The following FGD5 variants were observed in gnomAD, a reference collection of about 807,000 sequenced individuals.
FGD5 encodes the protein FYVE, RhoGEF and PH domain containing 5.
A neutral mutation model predicts 133.4 loss-of-function variants in FGD5; 28 were observed. The ratio of observed to expected loss-of-function variants is 0.21; its 90% confidence interval spans 0.16 to 0.29. FGD5 has a LOEUF of 0.29. Ranked by LOEUF, FGD5 falls within the 10% of genes least tolerant of loss-of-function variation. The probability of loss-of-function intolerance (pLI) is 1.00; values close to 1 mark genes in which losing one functional copy is unlikely to be tolerated. For missense variants in FGD5, 1,858 were observed against 1,895.2 expected (o/e 0.98, Z 0.36); for synonymous variants, 810 against 776.5 (o/e 1.04, Z -0.72).
chr3:14,926,089 G>T lies in FGD5; in HGVS notation c.4088G>T (p.Gly1363Val). The change falls in exon 18 of 20, where the codon GGC becomes GTC. Residue 1363 changes from glycine (G) to valine (V), a missense_variant. This residue lies in a region of FGD5 where 1,824 missense variants were observed against 1,848.9 expected (regional missense o/e 0.99). Transcript: ENST00000285046. ...ALTEVAASGE[G>V]SAISGYLSRC... Reference sequence around the variant, plus strand: ...TGCCAGGTGGCTGCCTCTGGAGAGGGCTCTGCCATCAGTGGCTATCTCAGC... The same window carrying T: ...TGCCAGGTGGCTGCCTCTGGAGAGGTCTCTGCCATCAGTGGCTATCTCAGC... The T allele has an allele frequency of 6.2e-7, 1 of 1,613,788 alleles. No homozygotes were observed.
At chr3:14,899,600 A>T (rs1373976026) in intron 7 of FGD5, among the ~76,000 whole-genome samples, 2 of 152,234 alleles carry the variant, frequency 1.3e-5, no homozygotes, top group Admixed American at 6.5e-5. Flanking sequence ...CATCTAATCC[A>T]AGAACTATTT....
At chr3:14,885,735 T>C (rs930154949) in intron 4 of FGD5, among the ~76,000 whole-genome samples, 3 of 152,210 alleles carry the variant, frequency 2.0e-5, no homozygotes, top group Non-Finnish European at 2.9e-5. Flanking sequence ...GGCATTTTTA[T>C]GATCTGGCCT....
At chr3:14,894,989 C>T (rs1435230767) in intron 4 of FGD5, among the ~76,000 whole-genome samples, 1 of 152,042 alleles carries the variant, frequency 6.6e-6, no homozygotes, top group Non-Finnish European at 1.5e-5. Flanking sequence ...TACCTATTGA[C>T]CATTTGTATG....
At chr3:14,908,255 T>G (rs1284050260) in intron 10 of FGD5, among the ~76,000 whole-genome samples, 2 of 152,200 alleles carry the variant, frequency 1.3e-5, no homozygotes, top group African/African-American at 2.4e-5. Flanking sequence ...AGGTGTCTCA[T>G]GGGACTGAGA....
intron 1 of FGD5, among the ~76,000 whole-genome samples, chr3:14,812,660 A>T (rs2036311266): frequency 6.6e-6 from 1 of 152,210 alleles, no homozygotes; most frequent in African/African-American, 2.4e-5. Flanking sequence ...TTTCCTGATC[A>T]CATGGCATGG....
At chr3:14,858,646 C>A (rs1479063844) in intron 1 of FGD5, among the ~76,000 whole-genome samples, 1 of 152,110 alleles carries the variant, frequency 6.6e-6, no homozygotes, top group African/African-American at 2.4e-5. Context: ...ACCAGGCAGG[C>A]ACCAGATAGC....
chr3:14,917,388 G>A lies in FGD5; in HGVS notation c.3489+56G>A. 2.0e-6 allele frequency: 3 copies of A among 1,511,696 alleles called. No individual in the cohort carries two copies. The highest frequency in any genetic ancestry group is 2.7e-6 in the Non-Finnish European group (3 of 1,103,854). The allele number at this position is 1,511,696 out of a possible 1,614,324, so 93.6% of individuals were successfully genotyped here. A position where few individuals can be genotyped will look rare whatever the true frequency, so the allele number is the denominator to read the frequency against. Reference sequence around the variant, plus strand: ...TGGGGGACAGGGAGACCCCAGGGGAGAAGGGGACAGCATCCTGCTCCCAGG... The same window carrying A: ...TGGGGGACAGGGAGACCCCAGGGGAAAAGGGGACAGCATCCTGCTCCCAGG... On this transcript the variant is annotated intron_variant, in intron 12 of 19. Transcript: ENST00000285046. The surrounding 1 kb of genome is among the most constrained non-coding windows in gnomAD (Gnocchi z 4.1).
intron 11 of FGD5, among the ~76,000 whole-genome samples, chr3:14,916,907 A>G (rs2038567162): frequency 6.6e-6 from 1 of 152,202 alleles, no homozygotes; most frequent in Non-Finnish European, 1.5e-5. Context: ...GGCTGCTATA[A>G]GGTATTCTGT....
chr3:14,891,530 G>T (rs1020720299), intron 4 of FGD5, among the ~76,000 whole-genome samples: 3 of 152,208 alleles, frequency 2.0e-5, no homozygotes, highest in Non-Finnish European at 2.9e-5. Flanking sequence ...TGACCTTCAC[G>T]TTGGGGCTAG....
At chr3:14,905,710 C>G (rs1453779762) in intron 9 of FGD5, among the ~76,000 whole-genome samples, 5 of 152,024 alleles carry the variant, frequency 3.3e-5, no homozygotes, top group African/African-American at 1.2e-4. Flanking sequence ...TTTTACCCAC[C>G]AATCAGAGCT....
intron 2 of FGD5, among the ~76,000 whole-genome samples, chr3:14,868,745 C>T (rs931709846): frequency 6.6e-6 from 1 of 152,214 alleles, no homozygotes; most frequent in African/African-American, 2.4e-5. Context: ...TCTGTATCTT[C>T]ACTCAGTTAC....
rs2038698070 is a variant in FGD5 at position 14,922,245 on chromosome 3, C to T, written c.3670-166C>T. On this transcript the variant is annotated intron_variant, in intron 14 of 19. Transcript: ENST00000285046. The surrounding 1 kb of genome is among the most constrained non-coding windows in gnomAD (Gnocchi z 4.1). ...TCTCACAGTCTGGCTGTTTCCCAAC[C>T]AAGGGTGAGCATCCTGGAGGGTGCA... is the stretch of plus-strand genomic sequence containing the variant. The T allele has an allele frequency of 1.1e-5, 13 of 1,135,056 alleles. No homozygotes were observed. The highest frequency in any genetic ancestry group is 3.1e-5 in the African/African-American group (2 of 64,796). 70.3% of individuals were successfully genotyped at this position (1,135,056 alleles called of 1,614,324 possible).
rs2038480617 is a variant in FGD5 at position 14,913,004 on chromosome 3, C to G, written c.3405+2075C>G. Among the ~76,000 whole-genome samples, 3 of 152,052 alleles carry G rather than the reference C, an allele frequency of 2.0e-5. No individual in the cohort carries two copies. In the South Asian group the frequency reaches 6.2e-4, roughly 32 times the overall value. On this transcript the variant is annotated intron_variant, in intron 11 of 19. Coordinates refer to ENST00000285046, the MANE Select transcript of FGD5 (RefSeq NM_152536.4). ...TGAGCTCAGATTGCGCCATTACACT[C>G]CAGCCTGGGCGACAGAGTGAGATTC...
chr3:14,815,994 T>A (rs1209962664), upstream of FGD5, among the ~76,000 whole-genome samples: 1 of 152,212 alleles, frequency 6.6e-6, no homozygotes, highest in Non-Finnish European at 1.5e-5. Flanking sequence ...GCTGAAGCAC[T>A]CTGCGCCTGG....
chr3:14,826,544 T>C (rs1411727893), intron 1 of FGD5, among the ~76,000 whole-genome samples: 3 of 152,218 alleles, frequency 2.0e-5, no homozygotes, highest in Non-Finnish European at 2.9e-5. Flanking sequence ...AGTGTCCTTA[T>C]CTGTAAAAGG....
At chr3:14,814,606 C>G (rs2036342183), upstream of FGD5, among the ~76,000 whole-genome samples, 1 of 152,144 alleles carries the variant, frequency 6.6e-6, no homozygotes, top group Non-Finnish European at 1.5e-5. Flanking sequence ...CTTCTCTGTC[C>G]ACACTCATGC....
chr3:14,867,858 C>T (rs1437024592), intron 2 of FGD5, among the ~76,000 whole-genome samples: 1 of 152,202 alleles, frequency 6.6e-6, no homozygotes, highest in African/African-American at 2.4e-5. Context: ...TCCACCACCT[C>T]AGAAGAGCAG....
chr3:14,864,904 C>T (rs79781786), intron 2 of FGD5, among the ~76,000 whole-genome samples: 14,172 of 152,216 alleles, frequency 0.093, 823 homozygotes, highest in East Asian at 0.3. Flanking sequence ...GACAAAGTCC[C>T]AGCCTTTCCA....
chr3:14,886,390 C>T (rs2125122762), intron 4 of FGD5, among the ~76,000 whole-genome samples: 1 of 152,332 alleles, frequency 6.6e-6, no homozygotes, highest in Non-Finnish European at 1.5e-5. Context: ...GAAGGGGCAG[C>T]ACGCACCCCG....
Sources: gnomAD v4.1 joint callset for allele counts (sites outside exome capture counted in the v4.1 genomes callset) on GRCh38, gnomAD v4.1.1 for gene constraint, gnomAD v4.1.1 regional missense constraint, Gnocchi (gnomAD v3.1) non-coding constraint, MANE v1.5 for transcripts, NCBI Gene and HGNC (gene_info 2026-07-23, HGNC 2026-07-21) for gene names.